GSE1: variants seen among roughly 807,000 people sequenced by gnomAD.
GSE1 encodes Gse1 coiled-coil protein.
In GSE1, 32 loss-of-function variants were observed where a neutral mutation model predicts 112.6. That is an observed-to-expected ratio of 0.28 (90% CI 0.21 to 0.38). The LOEUF is 0.38. Among genes scored for constraint, GSE1 ranks in the 10% least tolerant of loss-of-function variants. The pLI, the probability that GSE1 is intolerant of heterozygous loss-of-function variation, is 1.00. For missense variants in GSE1, 2,348 were observed against 1,699.2 expected, an observed-to-expected ratio of 1.38 and a Z score of -6.71; for synonymous variants, 1,115 against 735.6, an observed-to-expected ratio of 1.52 and a Z score of -8.35.
In GSE1 at chr16:85,646,017, C is replaced by T. The variant is rs2050830461; in HGVS notation, c.227-2535C>T. Among the ~76,000 whole-genome samples the T allele has an allele frequency of 2.0e-5, 3 of 149,800 alleles. No homozygotes were observed. In the South Asian group the frequency reaches 6.3e-4, roughly 31 times the overall value. ...TATGCATGCATTCTACCTGCTTCTC[C>T]CACGCTTTCTATGCATGCATTCTAC... On this transcript the variant is annotated intron_variant, in intron 2 of 15. Transcript: ENST00000253458.
intron 2 of GSE1, among the ~76,000 whole-genome samples, chr16:85,470,316 C>T (rs1344162901): frequency 6.6e-6 from 1 of 152,176 alleles, no homozygotes; most frequent in African/African-American, 2.4e-5. Flanking sequence ...GGCTCGGCGC[C>T]CCTCAGTGAT....
chr16:85,199,412 G>T (rs1217471040), intron 1 of GSE1, among the ~76,000 whole-genome samples: 1 of 152,162 alleles, frequency 6.6e-6, no homozygotes, highest in African/African-American at 2.4e-5. Flanking sequence ...CCACTGGTGG[G>T]ACTCACGGGG....
chr16:85,377,158 G>C (rs1283687043), intron 2 of GSE1, among the ~76,000 whole-genome samples: 1 of 152,228 alleles, frequency 6.6e-6, no homozygotes, highest in Admixed American at 6.5e-5. Flanking sequence ...GGCCGCACGT[G>C]GTCTGAGGAT....
chr16:85,619,551 C>T (rs902713515), intron 1 of GSE1, among the ~76,000 whole-genome samples: 2 of 152,230 alleles, frequency 1.3e-5, no homozygotes, highest in Non-Finnish European at 2.9e-5. Context: ...GGAGGGACGG[C>T]AGGCGCTCTT....
At chr16:85,506,525 G>T (rs13338792) in intron 2 of GSE1, among the ~76,000 whole-genome samples, 2 of 152,120 alleles carry the variant, frequency 1.3e-5, no homozygotes, top group African/African-American at 4.8e-5. Flanking sequence ...GCCCGCTGAC[G>T]ATCAGGGGAG....
At chr16:85,500,849 C>CTCG in intron 2 of GSE1, among the ~76,000 whole-genome samples, 1 of 152,252 alleles carries the variant, frequency 6.6e-6, no homozygotes, top group Non-Finnish European at 1.5e-5. Flanking sequence ...AGGGAGGATC[C>CTCG]TTCTTCGCCC....
At chr16:85,531,762 G>A (rs951730945) in intron 2 of GSE1, among the ~76,000 whole-genome samples, 4 of 152,220 alleles carry the variant, frequency 2.6e-5, no homozygotes, top group Non-Finnish European at 2.9e-5. Context: ...GGATGGCCCC[G>A]GGTCCTGAGA....
chr16:85,505,756 C>A (rs987460151), intron 2 of GSE1, among the ~76,000 whole-genome samples: 1 of 152,156 alleles, frequency 6.6e-6, no homozygotes, highest in Non-Finnish European at 1.5e-5. Flanking sequence ...CGGTAACTCA[C>A]ACCTGCAACC....
At position 85,419,325 on chromosome 16, in the gene GSE1, C is replaced by G. The variant is rs1239363856; in HGVS notation, c.2464+61682C>G. Among the ~76,000 whole-genome samples, 1 of 152,110 alleles carries G rather than the reference C, an allele frequency of 6.6e-6. No individual in the cohort carries two copies. Among genetic ancestry groups the G allele is most frequent in the Non-Finnish European group, 1.5e-5 (1 of 68,016 alleles). On this transcript the variant is annotated intron_variant, in intron 2 of 2. Coordinates refer to the GSE1 transcript ENST00000637419. This position sits in a 1 kb window ranked among gnomAD's most constrained non-coding sequence, Gnocchi z 6.5. ...GTCGGGGTCAGGGTTTGAGAATATA[C>G]CAGATGGCCGGGCGTGGTGGCTCGT...
intron 1 of GSE1, among the ~76,000 whole-genome samples, chr16:85,586,926 G>C (rs1343166348): frequency 6.6e-6 from 1 of 152,264 alleles, no homozygotes. Context: ...GTAAGTGCCC[G>C]CAGCTGCCAG....
At chr16:85,622,784 C>T (rs1370918093) in intron 1 of GSE1, among the ~76,000 whole-genome samples, 1 of 152,276 alleles carries the variant, frequency 6.6e-6, no homozygotes, top group Non-Finnish European at 1.5e-5. Context: ...TGAAGCTGAG[C>T]CTGGGAAGGG....
At chr16:85,614,792 G>A (rs2048265818) in intron 1 of GSE1, among the ~76,000 whole-genome samples, 1 of 152,248 alleles carries the variant, frequency 6.6e-6, no homozygotes. Flanking sequence ...GGGGCCTGAG[G>A]GGTAGCGGCC....
rs1360401985 is a variant in GSE1 at position 85,535,095 on chromosome 16, A to G, written c.2465-98819A>G. ...ACCCAGGCCTTCTCAGGGCCAGGATACAGACAGAAATGAGACCCAGCCCCG... is the reference window on the plus strand; with the variant it reads ...ACCCAGGCCTTCTCAGGGCCAGGATGCAGACAGAAATGAGACCCAGCCCCG... On this transcript the variant is annotated intron_variant, in intron 2 of 2. Transcript: ENST00000637419. 2.0e-5 allele frequency among the ~76,000 whole-genome samples: 3 copies of G among 152,310 alleles called. No homozygotes were observed. In the East Asian group the frequency reaches 5.8e-4, roughly 29 times the overall value.
At chr16:85,624,750 C>T (rs538331576) in intron 1 of GSE1, among the ~76,000 whole-genome samples, 1 of 152,170 alleles carries the variant, frequency 6.6e-6, no homozygotes, top group Non-Finnish European at 1.5e-5. Flanking sequence ...TGGAGAGAGG[C>T]GCCTGGGCAC....
chr16:85,548,227 CAAA>C (rs1241025677), intron 2 of GSE1, among the ~76,000 whole-genome samples: 9 of 70,122 alleles, frequency 1.3e-4, no homozygotes, highest in African/African-American at 2.1e-4. Flanking sequence ...GACTCTTTCT[CAAA>C]AAAAAAAAAA....
intron 1 of GSE1, among the ~76,000 whole-genome samples, chr16:85,317,467 A>T (rs1169071776): frequency 2.0e-5 from 3 of 152,056 alleles, no homozygotes; most frequent in Non-Finnish European, 4.4e-5. Context: ...CCCCCCTACG[A>T]GTCCCAGCCC....
At chr16:85,567,428 G>A (rs538310686) in intron 1 of GSE1, among the ~76,000 whole-genome samples, 12 of 152,334 alleles carry the variant, frequency 7.9e-5, no homozygotes, top group East Asian at 3.9e-4. Flanking sequence ...GCAGAGTCCC[G>A]AGTCGTCTGA....
chr16:85,598,457 C>T (rs926652257), intron 1 of GSE1, among the ~76,000 whole-genome samples: 2 of 152,184 alleles, frequency 1.3e-5, no homozygotes, highest in African/African-American at 2.4e-5. Context: ...TGCCTCCAAA[C>T]GATGCATATT....
intron 1 of GSE1, among the ~76,000 whole-genome samples, chr16:85,346,321 T>C (rs1008448334): frequency 6.0e-5 from 9 of 150,350 alleles, no homozygotes; most frequent in Non-Finnish European, 4.4e-5. Context: ...GGATGATGGA[T>C]GGATGGATGA....
Sources: gnomAD v4.1 joint callset for allele counts (sites outside exome capture counted in the v4.1 genomes callset) on GRCh38, gnomAD v4.1.1 for gene constraint, Gnocchi (gnomAD v3.1) non-coding constraint, MANE v1.5 for transcripts, NCBI Gene and HGNC (gene_info 2026-07-23, HGNC 2026-07-21) for gene names.